Variants in LRRC4C observed in about 807,000 individuals in gnomAD.
LRRC4C encodes leucine-rich repeat-containing protein 4C.
LRRC4C carries 5 observed loss-of-function variants against 33.6 expected under a neutral mutation model. That is an observed-to-expected ratio of 0.15 (90% CI 0.08 to 0.31). LRRC4C has a LOEUF of 0.31. LRRC4C is among the 10% of genes least tolerant of loss of function. The pLI, the probability that LRRC4C is intolerant of heterozygous loss-of-function variation, is 1.00. For missense variants in LRRC4C, 560 were observed against 796.7 expected (o/e 0.70, Z 3.58); for synonymous variants, 329 against 302.0 (o/e 1.09, Z -0.93).
intron 3 of LRRC4C, among the ~76,000 whole-genome samples, chr11:40,462,727 T>C (rs765907495): frequency 3.9e-5 from 6 of 152,104 alleles, no homozygotes; most frequent in Non-Finnish European, 8.8e-5. Flanking sequence ...CAAGGAGAGC[T>C]ACTGACTCAC....
chr11:40,915,035 G>A (rs1956884381), intron 2 of LRRC4C, among the ~76,000 whole-genome samples: 1 of 152,140 alleles, frequency 6.6e-6, no homozygotes, highest in African/African-American at 2.4e-5. Context: ...ACTACTCAAA[G>A]AAATAAAAGA....
intron 1 of LRRC4C, among the ~76,000 whole-genome samples, chr11:40,947,284 C>T (rs769626847): frequency 6.6e-6 from 1 of 152,006 alleles, no homozygotes; most frequent in Non-Finnish European, 1.5e-5. Context: ...AATATCTTCA[C>T]GATAAAAATT....
At chr11:41,076,124 A>G (rs1375008632) in intron 1 of LRRC4C, among the ~76,000 whole-genome samples, 2 of 152,116 alleles carry the variant, frequency 1.3e-5, no homozygotes, top group Non-Finnish European at 2.9e-5. Flanking sequence ...TAGTATCTAT[A>G]TTATTAGGAT....
chr11:40,463,466 G>C (rs1304461883), intron 3 of LRRC4C, among the ~76,000 whole-genome samples: 1 of 151,814 alleles, frequency 6.6e-6, no homozygotes, highest in African/African-American at 2.4e-5. Context: ...AGAGAAAGTG[G>C]TCTTCTCAAA....
chr11:40,548,497 G>T (rs1025174870), intron 3 of LRRC4C, among the ~76,000 whole-genome samples: 3 of 152,036 alleles, frequency 2.0e-5, no homozygotes, highest in African/African-American at 7.2e-5. Flanking sequence ...CTCCTAGAAG[G>T]AAACAACCAT....
At chr11:40,980,081 A>G (rs1198065916) in intron 1 of LRRC4C, among the ~76,000 whole-genome samples, 4 of 152,194 alleles carry the variant, frequency 2.6e-5, no homozygotes. Flanking sequence ...CCAGACATAA[A>G]TTTAGCTCAC....
chr11:40,655,393 G>A (rs1255538873), intron 2 of LRRC4C, among the ~76,000 whole-genome samples: 1 of 152,074 alleles, frequency 6.6e-6, no homozygotes, highest in Non-Finnish European at 1.5e-5. Flanking sequence ...ATATCAACCT[G>A]GAAGAACAAG....
chr11:40,252,728 A>G (rs1432730337), intron 4 of LRRC4C, among the ~76,000 whole-genome samples: 1 of 152,184 alleles, frequency 6.6e-6, no homozygotes, highest in Non-Finnish European at 1.5e-5. Flanking sequence ...GAAAATTCCT[A>G]TATGGCTCCA....
intron 1 of LRRC4C, among the ~76,000 whole-genome samples, chr11:41,057,006 T>A (rs936641705): frequency 2.0e-5 from 3 of 152,156 alleles, no homozygotes; most frequent in Non-Finnish European, 2.9e-5. Context: ...AAACTGGACA[T>A]CCCTGTGCTC....
At chr11:40,392,672 G>T (rs2137463125) in intron 3 of LRRC4C, among the ~76,000 whole-genome samples, 1 of 151,892 alleles carries the variant, frequency 6.6e-6, no homozygotes. Flanking sequence ...TTAATTTTTA[G>T]CTTTAAGTAC....
In LRRC4C at chr11:40,467,340, T is replaced by C. The variant is rs183224442; in HGVS notation, c.-269-147619A>G. 7.2e-5 allele frequency among the ~76,000 whole-genome samples: 11 copies of C among 152,300 alleles called. No individual in the cohort carries two copies. In the East Asian group the frequency reaches 2.1e-3, roughly 29 times the overall value. The stretch of plus-strand genomic sequence containing the variant: ...CTTTTTTTAAAAAAATCATCATTAT[T>C]ACTTTGAACTAGAGAATTGCCGTAT... On this transcript the variant is annotated intron_variant, in intron 3 of 6. Transcript: ENST00000528697.
chr11:40,533,664 G>C (rs565204558), intron 3 of LRRC4C, among the ~76,000 whole-genome samples: 2 of 152,068 alleles, frequency 1.3e-5, no homozygotes, highest in Non-Finnish European at 2.9e-5. Context: ...TCTATTTCCA[G>C]AGAGGCATAG....
rs143811849 is a variant in LRRC4C, at chr11:40,669,198, G to A, written c.-406-20920C>T. ...TTCTTCTAATCACCATGCCCATATC[G>A]AATTCACAAAATCAATTCATCATGT... On this transcript the variant is annotated intron_variant, in intron 2 of 6. Coordinates refer to ENST00000528697, the MANE Select transcript of LRRC4C (RefSeq NM_001258419.2). Among the ~76,000 whole-genome samples the A allele has an allele frequency of 2.8e-3, 422 of 152,104 alleles. 2 individuals are homozygous for A. The highest frequency in any genetic ancestry group is 9.6e-3 in the African/African-American group (399 of 41,484).
chr11:40,646,534 T>G (rs1405938018), intron 3 of LRRC4C, among the ~76,000 whole-genome samples: 1 of 152,082 alleles, frequency 6.6e-6, no homozygotes, highest in African/African-American at 2.4e-5. Context: ...TGTGTATAAA[T>G]AGAAAGACCA....
intron 1 of LRRC4C, among the ~76,000 whole-genome samples, chr11:41,125,802 G>T (rs1942708670): frequency 6.6e-6 from 1 of 152,072 alleles, no homozygotes; most frequent in Non-Finnish European, 1.5e-5. Context: ...AACTACTATT[G>T]AAAACTGAAA....
intron 3 of LRRC4C, among the ~76,000 whole-genome samples, chr11:40,461,475 G>A (rs1952394131): frequency 2.6e-5 from 4 of 151,978 alleles, no homozygotes; most frequent in Admixed American, 1.3e-4. Context: ...AAGTTTCTGT[G>A]AAGATGAAAT....
intron 1 of LRRC4C, among the ~76,000 whole-genome samples, chr11:41,116,581 C>T (rs1451231717): frequency 2.0e-5 from 3 of 151,908 alleles, no homozygotes; most frequent in African/African-American, 7.3e-5. Flanking sequence ...GTTTCCAAAA[C>T]AATAGTATTT....
chr11:41,295,000 GTACACT>G (rs1256231909), intron 1 of LRRC4C, among the ~76,000 whole-genome samples: 1 of 152,108 alleles, frequency 6.6e-6, no homozygotes, highest in Non-Finnish European at 1.5e-5. Context: ...ATTGCTGATA[GTACACT>G]TACACACGGT....
At chr11:40,550,442 T>A (rs1292187696) in intron 3 of LRRC4C, among the ~76,000 whole-genome samples, 1 of 150,790 alleles carries the variant, frequency 6.6e-6, no homozygotes, top group African/African-American at 2.4e-5. Flanking sequence ...AGATCTTTCC[T>A]AAGAAAAGAA....
Sources: allele counts gnomAD v4.1 joint callset (sites outside exome capture counted in the v4.1 genomes callset), GRCh38; gene constraint gnomAD v4.1.1; transcripts MANE v1.5; gene names NCBI Gene and HGNC (gene_info 2026-07-23, HGNC 2026-07-21).